The following SLC30A6 variants were observed in gnomAD, a reference collection of about 807,000 sequenced individuals.
SLC30A6 encodes the protein zinc transporter 6.
Under a neutral mutation model 63.0 loss-of-function variants are expected in SLC30A6, and 55 were observed. That is an observed-to-expected ratio of 0.87 (90% CI 0.70 to 1.09). SLC30A6 has a LOEUF of 1.09. SLC30A6 is among the 50% of genes least tolerant of loss of function. The pLI, the probability that SLC30A6 is intolerant of heterozygous loss-of-function variation, is 0.00. For synonymous variants in SLC30A6, 224 were observed against 186.1 expected, an observed-to-expected ratio of 1.20 and a Z score of -1.66; for missense variants, 587 against 549.2, an observed-to-expected ratio of 1.07 and a Z score of -0.69.
intron 5 of SLC30A6, among the ~76,000 whole-genome samples, chr2:32,186,701 A>T (rs1362132703): frequency 6.6e-6 from 1 of 151,538 alleles, no homozygotes; most frequent in East Asian, 1.9e-4. Flanking sequence ...CAAAAAAAAA[A>T]AAATTAGTTT....
At chr2:32,188,181 T>A (rs1404622912) in intron 5 of SLC30A6, among the ~76,000 whole-genome samples, 1 of 152,226 alleles carries the variant, frequency 6.6e-6, no homozygotes, top group Non-Finnish European at 1.5e-5. Flanking sequence ...GTCCTTTATA[T>A]AAGATCTGCC....
intron 7 of SLC30A6, 100 bp from the exon 8 acceptor site, chr2:32,193,789 C>A: frequency 1.1e-6 from 1 of 869,894 alleles, no homozygotes; most frequent in South Asian, 1.6e-5. Context: ...TAAAGCAGAC[C>A]ACTTTACCTT....
At chr2:32,173,401 T>G (rs1415947279) in intron 2 of SLC30A6, among the ~76,000 whole-genome samples, 1 of 148,132 alleles carries the variant, frequency 6.8e-6, no homozygotes. Flanking sequence ...TGAGACAGAG[T>G]CTCGCTCTGT....
At chr2:32,218,414 T>G (rs1331481065) in intron 13 of SLC30A6, among the ~76,000 whole-genome samples, 1 of 152,240 alleles carries the variant, frequency 6.6e-6, no homozygotes, top group East Asian at 1.9e-4. Flanking sequence ...TTCCTCATCC[T>G]TTACTTCCAG....
In SLC30A6 at chr2:32,189,190, G is replaced by A. The variant is rs574060182; in HGVS notation, c.285-3146G>A. The stretch of plus-strand genomic sequence containing the variant: ...TTAAAAGATAAGATAATACCAAACC[G>A]TTTTCCAGAGCAGTTTTACCAATTT... On this transcript the variant is annotated intron_variant, in intron 5 of 13. Coordinates refer to ENST00000282587, the MANE Select transcript of SLC30A6 (RefSeq NM_017964.5). 1.1e-3 allele frequency among the ~76,000 whole-genome samples: 165 copies of A among 151,556 alleles called. 1 individual carries two copies. Among genetic ancestry groups the A allele is most frequent in the African/African-American group, 3.9e-3 (163 of 41,292 alleles).
At chr2:32,209,887 A>T (rs1685104077) in intron 13 of SLC30A6, among the ~76,000 whole-genome samples, 1 of 152,214 alleles carries the variant, frequency 6.6e-6, no homozygotes, top group Non-Finnish European at 1.5e-5. Flanking sequence ...TGTCCAGATA[A>T]GACAAATTTG....
In SLC30A6 at chr2:32,201,691, T is replaced by G. The variant is rs1419069033; in HGVS notation, c.666-2899T>G. ...CAGAAGAAGGAGAGGCAGAAGAGCT[T>G]TATGGATATCACAGTTTCGGCTAAT... is the stretch of plus-strand genomic sequence containing the variant. On this transcript the variant is annotated intron_variant, in intron 10 of 13. Transcript: ENST00000282587. 4.8e-6 allele frequency: 7 copies of G among 1,454,560 alleles called. No homozygotes were observed. In the East Asian group the frequency reaches 1.5e-4, roughly 30 times the overall value. 90.1% of individuals were successfully genotyped at this position (1,454,560 alleles called of 1,614,324 possible).
At chr2:32,180,104 A>G (rs1682153631) in intron 4 of SLC30A6, among the ~76,000 whole-genome samples, 1 of 152,078 alleles carries the variant, frequency 6.6e-6, no homozygotes, top group Non-Finnish European at 1.5e-5. Flanking sequence ...CCTCAGTGAC[A>G]GAGAGATACC....
In SLC30A6 at chr2:32,192,901, AT is replaced by A; in HGVS notation, c.366-12del. On this transcript the variant is annotated splice_polypyrimidine_tract_variant and intron_variant, in intron 6 of 13. Transcript: ENST00000282587. ...ATAATTTATAGGACTTATTTAATAT[AT>A]TTTTATTTCTTATAGTGCAGAACGC... 6.9e-7 allele frequency: 1 copy of A among 1,459,338 alleles called. No homozygotes were observed. Among genetic ancestry groups the A allele is most frequent in the Non-Finnish European group, 9.2e-7 (1 of 1,082,650 alleles). 90.4% of individuals were successfully genotyped at this position (1,459,338 alleles called of 1,614,324 possible).
At chr2:32,183,595 G>C (rs536416287) in intron 4 of SLC30A6, among the ~76,000 whole-genome samples, 4 of 151,410 alleles carry the variant, frequency 2.6e-5, no homozygotes, top group African/African-American at 9.7e-5. Context: ...GGCTGAGGCA[G>C]GACAATCACT....
intron 4 of SLC30A6, among the ~76,000 whole-genome samples, chr2:32,178,293 C>G (rs1257822331): frequency 6.6e-6 from 1 of 151,904 alleles, no homozygotes; most frequent in Non-Finnish European, 1.5e-5. Context: ...CAGATTCATT[C>G]TTTTGCATGT....
intron 8 of SLC30A6, among the ~76,000 whole-genome samples, chr2:32,195,435 G>T (rs1235132060): frequency 1.3e-5 from 2 of 151,810 alleles, no homozygotes; most frequent in African/African-American, 4.8e-5. Context: ...GAATGTAAAT[G>T]ATTTTTTAAT....
At chr2:32,185,165 A>G (rs1162754188) in intron 5 of SLC30A6, among the ~76,000 whole-genome samples, 2 of 152,182 alleles carry the variant, frequency 1.3e-5, no homozygotes, top group Admixed American at 6.6e-5. Flanking sequence ...GTTAGAAGCC[A>G]GCCTGGGCAA....
chr2:32,200,536 G>A (rs1008560420), intron 10 of SLC30A6, among the ~76,000 whole-genome samples: 3 of 151,236 alleles, frequency 2.0e-5, no homozygotes, highest in Non-Finnish European at 4.4e-5. Context: ...TTGGGATCCT[G>A]TTGATCTATG....
At chr2:32,183,294 T>G (rs1682505369) in intron 4 of SLC30A6, among the ~76,000 whole-genome samples, 1 of 152,162 alleles carries the variant, frequency 6.6e-6, no homozygotes, top group Non-Finnish European at 1.5e-5. Flanking sequence ...CAGACTCTTG[T>G]CTCCCTGCTT....
chr2:32,207,667 C>G (rs1396994312), intron 12 of SLC30A6, among the ~76,000 whole-genome samples: 1 of 141,726 alleles, frequency 7.1e-6, no homozygotes, highest in Non-Finnish European at 1.5e-5. Context: ...GTCCACAGCG[C>G]CTGGCCCGCC....
intron 1 of SLC30A6, among the ~76,000 whole-genome samples, chr2:32,170,905 T>C (rs761160325): frequency 6.6e-6 from 1 of 152,190 alleles, no homozygotes; most frequent in Non-Finnish European, 1.5e-5. Flanking sequence ...ACCACATATA[T>C]AGCTTTAATT....
chr2:32,171,378 G>A lies in SLC30A6; in HGVS notation c.90+5G>A. 6.2e-7 allele frequency: 1 copy of A among 1,610,364 alleles called. No homozygotes were observed. The highest frequency in any genetic ancestry group is 1.1e-5 in the South Asian group (1 of 90,986). On this transcript the variant is annotated splice_donor_5th_base_variant and intron_variant, in intron 2 of 13. Coordinates refer to ENST00000282587, the MANE Select transcript of SLC30A6 (RefSeq NM_017964.5). The stretch of plus-strand genomic sequence containing the variant: ...CTTGTAGCAGCTGACCGAAGGGTAA[G>A]TTATTCCTTAACCCCAATTTTAATT...
chr2:32,210,407 C>A (rs111762779), intron 13 of SLC30A6, among the ~76,000 whole-genome samples: 2 of 147,760 alleles, frequency 1.4e-5, no homozygotes, highest in Non-Finnish European at 3.0e-5. Flanking sequence ...TCCAGTTACT[C>A]GGGAGGCTGA....
Sources: gnomAD v4.1 joint callset for allele counts (sites outside exome capture counted in the v4.1 genomes callset) on GRCh38, gnomAD v4.1.1 for gene constraint, MANE v1.5 for transcripts, NCBI Gene and HGNC (gene_info 2026-07-23, HGNC 2026-07-21) for gene names.